LCORL: variants seen among roughly 807,000 people sequenced by gnomAD.
LCORL encodes the protein ligand dependent nuclear receptor corepressor like, also known as ligand-dependent nuclear receptor corepressor-like protein.
Under a neutral mutation model 141.8 loss-of-function variants are expected in LCORL, and 41 were observed. The observed-to-expected ratio is 0.29, with a 90% CI of 0.23 to 0.38. The LOEUF (loss-of-function observed/expected upper bound fraction) is 0.38. Among genes scored for constraint, LCORL ranks in the 10% least tolerant of loss-of-function variants. LCORL has a pLI of 1.00. For synonymous variants in LCORL, 618 were observed against 694.1 expected (o/e 0.89, Z 1.72); for missense variants, 1,759 against 2,035.0 (o/e 0.86, Z 2.61).
intron 4 of LCORL, among the ~76,000 whole-genome samples, chr4:17,940,004 T>C (rs1737589530): frequency 6.7e-6 from 1 of 149,782 alleles, no homozygotes; most frequent in African/African-American, 2.5e-5. Context: ...ATATATACAC[T>C]ATATGGTATA....
At chr4:17,863,381 C>T (rs897412174) in intron 7 of LCORL, among the ~76,000 whole-genome samples, 1 of 151,962 alleles carries the variant, frequency 6.6e-6, no homozygotes, top group African/African-American at 2.4e-5. Context: ...ATTCACACAG[C>T]ATATGAAAAA....
intron 4 of LCORL, among the ~76,000 whole-genome samples, chr4:17,917,121 T>C (rs1733565810): frequency 6.6e-6 from 1 of 151,796 alleles, no homozygotes; most frequent in African/African-American, 2.4e-5. Context: ...ATTACAGACA[T>C]GTGCTACTGC....
chr4:17,859,700 T>TAAA (rs1724774217), intron 7 of LCORL, among the ~76,000 whole-genome samples: 1 of 152,148 alleles, frequency 6.6e-6, no homozygotes, highest in Non-Finnish European at 1.5e-5. Context: ...TTTACAGAAG[T>TAAA]AAAAGCACAA....
At chr4:17,941,082 G>T (rs1019629364) in intron 4 of LCORL, among the ~76,000 whole-genome samples, 7 of 152,140 alleles carry the variant, frequency 4.6e-5, no homozygotes, top group African/African-American at 1.7e-4. Context: ...GTTTAAAAAT[G>T]CATCCCCATC....
intron 6 of LCORL, chr4:17,880,971 G>A (rs564701260): frequency 1.5e-5 from 15 of 982,956 alleles, no homozygotes; most frequent in African/African-American, 7.0e-5. Flanking sequence ...AAATTACTGC[G>A]ACATTGGAAA....
chr4:17,881,879 T>C (rs1032266224), intron 6 of LCORL: 3 of 983,652 alleles, frequency 3.0e-6, no homozygotes, highest in Non-Finnish European at 3.6e-6. Flanking sequence ...TACTAAATAA[T>C]GCAAGTTCTG....
At chr4:17,890,051 A>AAG (rs1233539026) in intron 5 of LCORL, among the ~76,000 whole-genome samples, 1 of 152,072 alleles carries the variant, frequency 6.6e-6, no homozygotes, top group African/African-American at 2.4e-5. Flanking sequence ...AGTCTATCTT[A>AAG]TTACACTGTA....
chr4:17,912,189 T>G (rs376097490), intron 4 of LCORL: 15 of 875,262 alleles, frequency 1.7e-5, no homozygotes, highest in Non-Finnish European at 2.9e-5. Flanking sequence ...CTGATGACTT[T>G]AGAGTCAAGT....
At position 17,909,363 on chromosome 4, in the gene LCORL, A is replaced by AT; in HGVS notation, c.431-19dup. On this transcript the variant is annotated intron_variant, in intron 4 of 7. Transcript: ENST00000635767. The stretch of plus-strand genomic sequence containing the variant: ...AGGAAGATCTAGGGAAGAAATAAAT[A>AT]TAATAATCATTTTAAAAAGAGAAAG... The AT allele has an allele frequency of 6.6e-7, 1 of 1,516,744 alleles. No individual in the cohort carries two copies. The highest frequency in any genetic ancestry group is 1.3e-5 in the South Asian group (1 of 77,064). The allele number at this position is 1,516,744 out of a possible 1,614,324, so 94.0% of individuals were successfully genotyped here.
At chr4:17,873,752 A>G in exon 7 of LCORL, 1 of 1,234,028 alleles carries the variant, frequency 8.1e-7, no homozygotes, top group Non-Finnish European at 1.0e-6. Context: ...AAATGATTGT[A>G]TTTAGCTTAA....
At chr4:17,926,764 T>C (rs1383476014) in intron 4 of LCORL, among the ~76,000 whole-genome samples, 2 of 152,254 alleles carry the variant, frequency 1.3e-5, no homozygotes, top group Admixed American at 6.5e-5. Context: ...GCTTAAAATA[T>C]TCAGTAAACC....
At position 17,880,590 on chromosome 4, in the gene LCORL, T is replaced by C. The variant is rs1333331594; in HGVS notation, c.777-2377A>G. The C allele has an allele frequency of 4.1e-6, 4 of 968,692 alleles. No individual in the cohort carries two copies. In the South Asian group the frequency reaches 1.4e-4, roughly 35 times the overall value. 60.0% of individuals were successfully genotyped at this position (968,692 alleles called of 1,614,324 possible). A position where few individuals can be genotyped will look rare whatever the true frequency, so the allele number is the denominator to read the frequency against. ...TCCTAAAGTAAATCAAACAAGTCAG[T>C]GTAGTCAGTTTTTTTCTTTTCTTTT... is the stretch of plus-strand genomic sequence containing the variant. On this transcript the variant is annotated intron_variant, in intron 6 of 7. Coordinates refer to ENST00000635767, the Ensembl canonical transcript of LCORL.
chr4:17,949,474 G>T (rs1739391785), intron 4 of LCORL, among the ~76,000 whole-genome samples: 1 of 151,886 alleles, frequency 6.6e-6, no homozygotes, highest in South Asian at 2.1e-4. Context: ...CTAGATAATT[G>T]TGAGAGCCCT....
chr4:17,940,138 A>G (rs1737647437), intron 4 of LCORL, among the ~76,000 whole-genome samples: 1 of 143,910 alleles, frequency 6.9e-6, no homozygotes, highest in African/African-American at 2.5e-5. Flanking sequence ...GTATATGTGT[A>G]TATATATGTA....
At chr4:18,002,778 A>ATATT (rs1722177934) in intron 1 of LCORL, among the ~76,000 whole-genome samples, 1 of 152,168 alleles carries the variant, frequency 6.6e-6, no homozygotes, top group Non-Finnish European at 1.5e-5. Context: ...AATTTTTAAA[A>ATATT]CTCAGCCCAA....
intron 4 of LCORL, among the ~76,000 whole-genome samples, chr4:17,949,248 C>A (rs1226082052): frequency 6.6e-6 from 1 of 152,036 alleles, no homozygotes; most frequent in African/African-American, 2.4e-5. Context: ...GAGGCCAGAT[C>A]CCTCCTCTCC....
chr4:17,947,855 G>T (rs1032549841), intron 4 of LCORL, among the ~76,000 whole-genome samples: 11 of 151,806 alleles, frequency 7.2e-5, no homozygotes, highest in African/African-American at 2.7e-4. Flanking sequence ...GTTCCATTTT[G>T]CATATACAAT....
At chr4:17,967,405 T>A (rs1715111022) in intron 2 of LCORL, among the ~76,000 whole-genome samples, 1 of 152,070 alleles carries the variant, frequency 6.6e-6, no homozygotes, top group South Asian at 2.1e-4. Context: ...ATGTAAACTG[T>A]GGAATTTTGT....
At chr4:17,881,552 A>G (rs1727576542) in intron 6 of LCORL, 2 of 951,322 alleles carry the variant, frequency 2.1e-6, no homozygotes, top group Non-Finnish European at 2.5e-6. Context: ...TATTACCTAT[A>G]AAACTACTGA....
Sources: gnomAD v4.1 joint callset for allele counts (sites outside exome capture counted in the v4.1 genomes callset) on GRCh38, gnomAD v4.1.1 for gene constraint, MANE v1.5 for transcripts, NCBI Gene and HGNC (gene_info 2026-07-23, HGNC 2026-07-21) for gene names.